ADK: variants seen among roughly 807,000 people sequenced by gnomAD.
ADK encodes the protein adenosine kinase.
Under a neutral mutation model 44.7 loss-of-function variants are expected in ADK, and 24 were observed. The observed-to-expected ratio is 0.54, with a 90% CI of 0.39 to 0.76. The LOEUF (loss-of-function observed/expected upper bound fraction) is 0.76. ADK is among the 30% of genes least tolerant of loss of function. The probability of loss-of-function intolerance (pLI) is 0.00; values close to 1 mark genes in which losing one functional copy is unlikely to be tolerated. For missense variants in ADK, 321 were observed against 425.1 expected (o/e 0.76, Z 2.15); for synonymous variants, 128 against 142.6 (o/e 0.90, Z 0.73).
chr10:74,601,435 T>G (rs962476349), intron 9 of ADK, among the ~76,000 whole-genome samples: 2 of 152,152 alleles, frequency 1.3e-5, no homozygotes, highest in African/African-American at 4.8e-5. Flanking sequence ...CATGATGTTA[T>G]AGGATACATA....
At position 74,602,311 on chromosome 10, in the gene ADK, A is replaced by T. The variant is rs549971583; in HGVS notation, c.877+1818A>T. 3.2e-4 allele frequency among the ~76,000 whole-genome samples: 49 copies of T among 152,260 alleles called. 1 individual carries two copies. The South Asian group carries it at 0.01, about 32-fold the overall frequency. ...ATTGCTTTCTTCCTATAGTATAAGG[A>T]TTATTCCTGTCTTAGCAGTGGACAG... is the stretch of plus-strand genomic sequence containing the variant. On this transcript the variant is annotated intron_variant, in intron 9 of 10. Transcript: ENST00000539909.
chr10:74,326,814 T>C (rs1841036748), intron 4 of ADK, among the ~76,000 whole-genome samples: 1 of 152,100 alleles, frequency 6.6e-6, no homozygotes, highest in Non-Finnish European at 1.5e-5. Context: ...CTAGGTTTTC[T>C]AGTTTGTTGG....
chr10:74,212,853 TC>T (rs1564596354), intron 2 of ADK, among the ~76,000 whole-genome samples: 15 of 144,704 alleles, frequency 1.0e-4, no homozygotes, highest in African/African-American at 3.3e-4. Flanking sequence ...GTAATACTTT[TC>T]GTGTTATCAA....
At chr10:74,172,397 A>T (rs1842188239) in intron 1 of ADK, among the ~76,000 whole-genome samples, 1 of 152,000 alleles carries the variant, frequency 6.6e-6, no homozygotes, top group South Asian at 2.1e-4. Context: ...GCACCTGGCT[A>T]GACAGCTGAT....
At position 74,237,794 on chromosome 10, in the gene ADK, A is replaced by G. The variant is rs536761106; in HGVS notation, c.194+13203A>G. Among the ~76,000 whole-genome samples, 5 of 152,260 alleles carry G rather than the reference A, an allele frequency of 3.3e-5. No homozygotes were observed. The East Asian group carries it at 7.7e-4, about 23-fold the overall frequency. On this transcript the variant is annotated intron_variant, in intron 3 of 10. Coordinates refer to ENST00000539909, the MANE Select transcript of ADK (RefSeq NM_006721.4). ...ACTTGGGTGACTGGGTGCATCATCA[A>G]TGAGCAGAAATATTTTAAAAGGGGC...
chr10:74,528,227 C>A, intron 7 of ADK: 1 of 436,224 alleles, frequency 2.3e-6, no homozygotes, highest in Middle Eastern at 5.3e-4. Flanking sequence ...AAGTAAAAAT[C>A]TCGATGTAAA....
chr10:74,226,518 T>G (rs144790486), intron 3 of ADK, among the ~76,000 whole-genome samples: 1 of 152,376 alleles, frequency 6.6e-6, no homozygotes, highest in African/African-American at 2.4e-5. Flanking sequence ...ATCTATTTAT[T>G]CTTCTGTTCG....
chr10:74,512,626 T>C (rs1848385268), intron 6 of ADK, among the ~76,000 whole-genome samples: 1 of 151,856 alleles, frequency 6.6e-6, no homozygotes, highest in East Asian at 1.9e-4. Flanking sequence ...TTGTGATGTC[T>C]CCTTTTTTGT....
At chr10:74,663,784 T>C (rs1212113541) in intron 9 of ADK, among the ~76,000 whole-genome samples, 2 of 152,218 alleles carry the variant, frequency 1.3e-5, no homozygotes, top group Admixed American at 6.5e-5. Flanking sequence ...TCAAAAGTCC[T>C]TGTTAATTAG....
chr10:74,461,931 C>G (rs1222463471), intron 6 of ADK, among the ~76,000 whole-genome samples: 1 of 151,972 alleles, frequency 6.6e-6, no homozygotes, highest in African/African-American at 2.4e-5. Flanking sequence ...ATCCTGTTGC[C>G]TGAAATATCT....
At chr10:74,192,349 T>TC (rs1179815134) in intron 1 of ADK, among the ~76,000 whole-genome samples, 1 of 152,058 alleles carries the variant, frequency 6.6e-6, no homozygotes, top group Admixed American at 6.6e-5. Flanking sequence ...TGCCTCAGCC[T>TC]CCTGAGTAGC....
chr10:74,364,569 C>T (rs1842438764), intron 4 of ADK, among the ~76,000 whole-genome samples: 1 of 151,952 alleles, frequency 6.6e-6, no homozygotes, highest in African/African-American at 2.4e-5. Context: ...ATACCTTTTC[C>T]CTCAGGTTTT....
At chr10:74,344,671 TG>T in intron 4 of ADK, 1 of 179,946 alleles carries the variant, frequency 5.6e-6, no homozygotes, top group Non-Finnish European at 1.2e-5. Context: ...CTGAACAGGC[TG>T]GTCTCTTCAG....
At chr10:74,387,968 C>G (rs1356490848) in intron 4 of ADK, among the ~76,000 whole-genome samples, 1 of 151,872 alleles carries the variant, frequency 6.6e-6, no homozygotes, top group East Asian at 1.9e-4. Context: ...AATGCAATGG[C>G]GCAATCTCGG....
intron 6 of ADK, among the ~76,000 whole-genome samples, chr10:74,499,744 A>G (rs762693785): frequency 7.9e-5 from 12 of 152,128 alleles, no homozygotes; most frequent in East Asian, 3.8e-4. Context: ...ATAACTAGGC[A>G]TGTCTTACTT....
chr10:74,193,679 G>T (rs1843029806), intron 1 of ADK, among the ~76,000 whole-genome samples: 1 of 152,108 alleles, frequency 6.6e-6, no homozygotes, highest in Non-Finnish European at 1.5e-5. Flanking sequence ...TTGGGAGGCT[G>T]AGGTGGGAGA....
chr10:74,513,705 T>C (rs1049168041), intron 6 of ADK, among the ~76,000 whole-genome samples: 9 of 152,198 alleles, frequency 5.9e-5, no homozygotes, highest in Admixed American at 4.6e-4. Context: ...ATCTTTTAAA[T>C]GTGGAACTTA....
chr10:74,317,908 A>G (rs1406705573), intron 4 of ADK, among the ~76,000 whole-genome samples: 3 of 152,008 alleles, frequency 2.0e-5, no homozygotes, highest in African/African-American at 7.2e-5. Flanking sequence ...CAGCCTCCCA[A>G]GTAGCTGGGA....
intron 6 of ADK, among the ~76,000 whole-genome samples, chr10:74,509,677 C>T (rs549509102): frequency 1.3e-5 from 2 of 152,278 alleles, no homozygotes; most frequent in South Asian, 4.1e-4. Flanking sequence ...AATTCTATAA[C>T]TTACTCTTAT....
Sources: allele counts gnomAD v4.1 joint callset (sites outside exome capture counted in the v4.1 genomes callset), GRCh38; gene constraint gnomAD v4.1.1; transcripts MANE v1.5; gene names NCBI Gene and HGNC (gene_info 2026-07-23, HGNC 2026-07-21).